The following KCNB2 variants were observed in gnomAD, a reference collection of about 807,000 sequenced individuals.
KCNB2 encodes the protein potassium voltage-gated channel subfamily B member 2.
In KCNB2, 15 loss-of-function variants were observed where a neutral mutation model predicts 61.5. The ratio of observed to expected loss-of-function variants is 0.24; its 90% confidence interval spans 0.16 to 0.38. The LOEUF (loss-of-function observed/expected upper bound fraction) is 0.38. Among genes scored for constraint, KCNB2 ranks in the 10% least tolerant of loss-of-function variants. KCNB2 has a pLI of 1.00. For synonymous variants in KCNB2, 457 were observed against 446.0 expected (o/e 1.02, Z -0.31); for missense variants, 828 against 1,125.2 (o/e 0.74, Z 3.78).
chr8:72,664,724 A>G (rs1158453425), intron 2 of KCNB2, among the ~76,000 whole-genome samples: 1 of 152,222 alleles, frequency 6.6e-6, no homozygotes, highest in Non-Finnish European at 1.5e-5. Context: ...AAAAATCCCT[A>G]CCCACCCAGT....
rs566972659 is a variant in KCNB2, at chr8:72,760,740, T to C, written c.580-175195T>C. 5.9e-5 allele frequency among the ~76,000 whole-genome samples: 9 copies of C among 152,362 alleles called. No homozygotes were observed. The South Asian group carries it at 1.9e-3, about 32-fold the overall frequency. On this transcript the variant is annotated intron_variant, in intron 2 of 2. Transcript: ENST00000523207. Reference sequence around the variant, plus strand: ...TAAGTACAGCCTCATATTTACCTACTAAGATTGACTTGGTGTTGGCAGTAC... The same window carrying C: ...TAAGTACAGCCTCATATTTACCTACCAAGATTGACTTGGTGTTGGCAGTAC...
At chr8:72,693,787 T>A (rs1445341547) in intron 2 of KCNB2, among the ~76,000 whole-genome samples, 1 of 151,896 alleles carries the variant, frequency 6.6e-6, no homozygotes, top group Non-Finnish European at 1.5e-5. Context: ...TGGGAGAGAG[T>A]ACCAATATTC....
chr8:72,886,905 G>A (rs992869790), intron 2 of KCNB2, among the ~76,000 whole-genome samples: 14 of 152,150 alleles, frequency 9.2e-5, no homozygotes, highest in African/African-American at 3.1e-4. Context: ...TTAAACAATC[G>A]CTGGGCCCTA....
chr8:72,730,922 G>C (rs1388438787), intron 2 of KCNB2, among the ~76,000 whole-genome samples: 3 of 152,104 alleles, frequency 2.0e-5, no homozygotes, highest in African/African-American at 7.2e-5. Context: ...AGAAGAAGAT[G>C]TTCTCCTCTA....
chr8:72,629,772 G>GGCACTGAGCCT (rs1805850108), intron 2 of KCNB2, among the ~76,000 whole-genome samples: 1 of 152,196 alleles, frequency 6.6e-6, no homozygotes, highest in African/African-American at 2.4e-5. Context: ...CTCTGTGCTA[G>GGCACTGAGCCT]GCACTGAGCC....
chr8:72,537,382 C>G lies in KCNB2; in HGVS notation c.-597C>G, dbSNP rs1383571172. On this transcript the variant is annotated 5_prime_UTR_variant, in exon 1 of 3. Coordinates refer to ENST00000523207, the MANE Select transcript of KCNB2 (RefSeq NM_004770.3). ...CCCTCCGCCCTCCGCCCTCCGCCCC[C>G]GCGGCCGCCGCCGCCGCTGCGCCTC... 1 of 152,828 alleles carries G rather than the reference C, an allele frequency of 6.5e-6. No homozygotes were observed. Among genetic ancestry groups the G allele is most frequent in the African/African-American group, 2.4e-5 (1 of 41,388 alleles). The allele number at this position is 152,828 out of a possible 1,614,324, so 9.5% of individuals were successfully genotyped here. A position where few individuals can be genotyped will look rare whatever the true frequency, so the allele number is the denominator to read the frequency against.
intron 2 of KCNB2, among the ~76,000 whole-genome samples, chr8:72,658,467 C>T (rs1403784855): frequency 6.6e-6 from 1 of 152,164 alleles, no homozygotes; most frequent in Non-Finnish European, 1.5e-5. Flanking sequence ...ATCCTCGTAT[C>T]ATCAAAGTGC....
intron 2 of KCNB2, among the ~76,000 whole-genome samples, chr8:72,702,949 C>T (rs551520278): frequency 2.0e-5 from 3 of 152,296 alleles, no homozygotes; most frequent in Non-Finnish European, 4.4e-5. Context: ...CCCTTCTGCA[C>T]AGTGACCTGG....
At chr8:72,910,223 A>G (rs1355061521) in intron 2 of KCNB2, among the ~76,000 whole-genome samples, 2 of 152,220 alleles carry the variant, frequency 1.3e-5, no homozygotes, top group Non-Finnish European at 2.9e-5. Flanking sequence ...AAATAAATGA[A>G]ATAATCTTTG....
chr8:72,657,562 T>G (rs966280321), intron 2 of KCNB2, among the ~76,000 whole-genome samples: 6 of 152,178 alleles, frequency 3.9e-5, no homozygotes, highest in African/African-American at 1.2e-4. Context: ...GGAACATTTA[T>G]TCATGAAATT....
intron 2 of KCNB2, among the ~76,000 whole-genome samples, chr8:72,882,736 G>GA (rs11370630): frequency 0.073 from 10,893 of 149,098 alleles, 1,281 homozygotes; most frequent in African/African-American, 0.25. Context: ...AAAAGAAAAA[G>GA]AAAAAAAAAA....
chr8:72,713,122 C>T (rs954575135), intron 2 of KCNB2, among the ~76,000 whole-genome samples: 6 of 152,326 alleles, frequency 3.9e-5, no homozygotes, highest in Middle Eastern at 3.4e-3. Flanking sequence ...GAGGGGCGCC[C>T]GCCATTGCCC....
At chr8:72,557,305 T>G (rs1035711091) in intron 1 of KCNB2, among the ~76,000 whole-genome samples, 1 of 152,190 alleles carries the variant, frequency 6.6e-6, no homozygotes, top group African/African-American at 2.4e-5. Context: ...TGGAAATACA[T>G]TCTATTATTC....
intron 1 of KCNB2, among the ~76,000 whole-genome samples, chr8:72,550,576 G>A (rs141822235): frequency 6.6e-6 from 1 of 152,238 alleles, no homozygotes; most frequent in East Asian, 1.9e-4. Context: ...GCTAAATTGG[G>A]GAAGTTGAGA....
chr8:72,633,397 A>C (rs1448156164), intron 2 of KCNB2, among the ~76,000 whole-genome samples: 1 of 152,170 alleles, frequency 6.6e-6, no homozygotes, highest in African/African-American at 2.4e-5. Flanking sequence ...TCTTTTGGGT[A>C]ATCCAGGATA....
chr8:72,854,710 C>T (rs1810177226), intron 2 of KCNB2, among the ~76,000 whole-genome samples: 1 of 151,952 alleles, frequency 6.6e-6, no homozygotes, highest in African/African-American at 2.4e-5. Context: ...AAAAAGTAAT[C>T]GTTAAGCTGA....
Position 72,852,205 on chromosome 8 carries a change from AGCTGTGATT to A in KCNB2, c.580-83727_580-83719del, listed in dbSNP as rs1810128292. Among the ~76,000 whole-genome samples, 6 of 152,338 alleles carry A rather than the reference AGCTGTGATT, an allele frequency of 3.9e-5. No individual in the cohort carries two copies. In the South Asian group the frequency reaches 1.2e-3, roughly 32 times the overall value. ...AGCCTGGGAGGTCAAGGCTGCAGTGAGCTGTGATTGCATTACTGCACTTTAGCCTGGGTG... is the reference window on the plus strand; with the variant it reads ...AGCCTGGGAGGTCAAGGCTGCAGTGAGCATTACTGCACTTTAGCCTGGGTG... On this transcript the variant is annotated intron_variant, in intron 2 of 2. Coordinates refer to ENST00000523207, the MANE Select transcript of KCNB2 (RefSeq NM_004770.3).
At chr8:72,752,345 A>G (rs1170778638) in intron 2 of KCNB2, among the ~76,000 whole-genome samples, 1 of 152,150 alleles carries the variant, frequency 6.6e-6, no homozygotes, top group Non-Finnish European at 1.5e-5. Context: ...TTCTGGGTGT[A>G]TTGGTGAGGT....
intron 2 of KCNB2, among the ~76,000 whole-genome samples, chr8:72,820,465 G>C (rs1563394669): frequency 1.3e-5 from 2 of 151,936 alleles, no homozygotes; most frequent in African/African-American, 2.4e-5. Context: ...GTTCAGAGTG[G>C]GATTTTCAAT....
Sources: gnomAD v4.1 joint callset for allele counts (sites outside exome capture counted in the v4.1 genomes callset) on GRCh38, gnomAD v4.1.1 for gene constraint, MANE v1.5 for transcripts, NCBI Gene and HGNC (gene_info 2026-07-23, HGNC 2026-07-21) for gene names.